Variants in MMP16 observed in about 807,000 individuals in gnomAD.
The protein encoded by MMP16 is matrix metallopeptidase 16.
A neutral mutation model predicts 67.8 loss-of-function variants in MMP16; 12 were observed. The observed-to-expected ratio is 0.18, with a 90% CI of 0.11 to 0.29. The LOEUF is 0.29. Among genes scored for constraint, MMP16 ranks in the 10% least tolerant of loss-of-function variants. The pLI is 1.00. For missense variants in MMP16, 475 were observed against 765.7 expected (o/e 0.62, Z 4.48); for synonymous variants, 249 against 255.9 (o/e 0.97, Z 0.26).
At chr8:88,155,390 C>T (rs1808491680) in intron 4 of MMP16, among the ~76,000 whole-genome samples, 1 of 151,668 alleles carries the variant, frequency 6.6e-6, no homozygotes, top group African/African-American at 2.4e-5. Context: ...AATTTTTTTT[C>T]CTGCATAGTG....
intron 1 of MMP16, among the ~76,000 whole-genome samples, chr8:88,269,760 C>T (rs1810536219): frequency 6.6e-6 from 1 of 152,202 alleles, no homozygotes; most frequent in Admixed American, 6.5e-5. Flanking sequence ...CACTGCTTTG[C>T]TCTACGACCT....
chr8:88,081,352 G>C (rs1032179473), intron 6 of MMP16, among the ~76,000 whole-genome samples: 2 of 152,114 alleles, frequency 1.3e-5, no homozygotes, highest in Non-Finnish European at 2.9e-5. Flanking sequence ...TGGAGAAAAA[G>C]CAAACTATCA....
chr8:88,279,716 A>T (rs2129990825), intron 1 of MMP16, among the ~76,000 whole-genome samples: 1 of 152,248 alleles, frequency 6.6e-6, no homozygotes, highest in Middle Eastern at 3.4e-3. Context: ...GAAAAACAAA[A>T]TATGGAGGGA....
chr8:88,215,073 T>C (rs182042203), intron 1 of MMP16, among the ~76,000 whole-genome samples: 3 of 152,184 alleles, frequency 2.0e-5, no homozygotes, highest in Non-Finnish European at 4.4e-5. Context: ...CTCACGCCTG[T>C]AATCCCAGCA....
At chr8:88,122,395 A>G (rs1336126239) in intron 4 of MMP16, among the ~76,000 whole-genome samples, 1 of 151,960 alleles carries the variant, frequency 6.6e-6, no homozygotes. Context: ...GTCCCTCTAC[A>G]TCTGTGTATA....
chr8:88,201,309 A>G (rs1425264765), intron 1 of MMP16, among the ~76,000 whole-genome samples: 1 of 152,060 alleles, frequency 6.6e-6, no homozygotes, highest in African/African-American at 2.4e-5. Flanking sequence ...TCACTTTGCC[A>G]GTCCACAATG....
intron 6 of MMP16, 131 bp from the exon 7 acceptor site, chr8:88,074,874 A>C (rs1301145076): frequency 1.7e-6 from 2 of 1,206,846 alleles, no homozygotes; most frequent in Non-Finnish European, 2.3e-6. Flanking sequence ...CAGTCAGAGA[A>C]AGAGCTAAAC....
chr8:88,293,333 T>C (rs1189826218), intron 1 of MMP16, among the ~76,000 whole-genome samples: 1 of 152,142 alleles, frequency 6.6e-6, no homozygotes, highest in African/African-American at 2.4e-5. Context: ...TTAATGCTTT[T>C]TTTTAAGAGA....
chr8:88,204,855 C>T (rs569347609), intron 1 of MMP16, among the ~76,000 whole-genome samples: 1 of 152,288 alleles, frequency 6.6e-6, no homozygotes, highest in African/African-American at 2.4e-5. Context: ...TCTATTCTGA[C>T]TATGACAATT....
At chr8:88,257,325 GGTAGA>G (rs1440959116) in intron 1 of MMP16, among the ~76,000 whole-genome samples, 4 of 152,202 alleles carry the variant, frequency 2.6e-5, no homozygotes, top group Non-Finnish European at 4.4e-5. Flanking sequence ...ACCTGTACAA[GGTAGA>G]GTAGAGTAGA....
intron 7 of MMP16, among the ~76,000 whole-genome samples, chr8:88,068,540 G>T (rs1169954272): frequency 6.6e-6 from 1 of 151,884 alleles, no homozygotes; most frequent in Non-Finnish European, 1.5e-5. Flanking sequence ...TTACATTTAG[G>T]TTAGGACCAT....
intron 1 of MMP16, among the ~76,000 whole-genome samples, chr8:88,198,162 G>A (rs552544052): frequency 5.3e-5 from 8 of 152,180 alleles, no homozygotes; most frequent in Non-Finnish European, 8.8e-5. Flanking sequence ...CAAATGCAGG[G>A]CATTTGGAAA....
chr8:88,189,630 T>G (rs1809134433), intron 2 of MMP16, among the ~76,000 whole-genome samples: 1 of 152,196 alleles, frequency 6.6e-6, no homozygotes, highest in South Asian at 2.1e-4. Context: ...GAATCTGATT[T>G]ATGTCTACCT....
At chr8:88,159,182 G>T (rs1045892726) in intron 4 of MMP16, among the ~76,000 whole-genome samples, 36 of 152,160 alleles carry the variant, frequency 2.4e-4, no homozygotes, top group Non-Finnish European at 1.8e-4. Context: ...CTTTAAACTA[G>T]TTTTTTCCAA....
At chr8:88,258,910 C>T (rs1810345682) in intron 1 of MMP16, among the ~76,000 whole-genome samples, 1 of 152,146 alleles carries the variant, frequency 6.6e-6, no homozygotes, top group Non-Finnish European at 1.5e-5. Context: ...AGCCATGATT[C>T]AGAGGTTTCA....
intron 1 of MMP16, among the ~76,000 whole-genome samples, chr8:88,304,614 C>T (rs550587649): frequency 6.6e-6 from 1 of 152,304 alleles, no homozygotes; most frequent in Admixed American, 6.5e-5. Flanking sequence ...GGAAACCCTA[C>T]AAGGCAGAAG....
intron 6 of MMP16, among the ~76,000 whole-genome samples, chr8:88,102,438 C>A (rs1809160571): frequency 6.6e-6 from 1 of 151,830 alleles, no homozygotes; most frequent in South Asian, 2.1e-4. Flanking sequence ...GGCAGAGCTT[C>A]TATTTCCTCC....
At chr8:88,190,757 T>A (rs1809158159) in intron 2 of MMP16, among the ~76,000 whole-genome samples, 1 of 152,220 alleles carries the variant, frequency 6.6e-6, no homozygotes, top group African/African-American at 2.4e-5. Context: ...TATTACCAAC[T>A]GGCAACTTGG....
intron 1 of MMP16, among the ~76,000 whole-genome samples, chr8:88,283,589 G>T (rs1042548122): frequency 6.6e-6 from 1 of 152,094 alleles, no homozygotes; most frequent in Admixed American, 6.6e-5. Flanking sequence ...ATTTATGGAT[G>T]TATGTCCATG....
Sources: allele counts gnomAD v4.1 joint callset (sites outside exome capture counted in the v4.1 genomes callset), GRCh38; gene constraint gnomAD v4.1.1; transcripts MANE v1.5; gene names NCBI Gene and HGNC (gene_info 2026-07-23, HGNC 2026-07-21).